MLLT3: variants seen among roughly 807,000 people sequenced by gnomAD.
The protein encoded by MLLT3 is protein AF-9.
In MLLT3, 4 loss-of-function variants were observed where a neutral mutation model predicts 53.2. The observed-to-expected ratio is 0.08, with a 90% CI of 0.04 to 0.17. The LOEUF (loss-of-function observed/expected upper bound fraction) is 0.17. Among genes scored for constraint, MLLT3 ranks in the 10% least tolerant of loss-of-function variants. The pLI is 1.00. For synonymous variants in MLLT3, 283 were observed against 230.6 expected, an observed-to-expected ratio of 1.23 and a Z score of -2.06; for missense variants, 569 against 684.0, an observed-to-expected ratio of 0.83 and a Z score of 1.87.
chr9:20,357,138 T>C (rs945320264), intron 8 of MLLT3, among the ~76,000 whole-genome samples: 1 of 152,242 alleles, frequency 6.6e-6, no homozygotes, highest in Non-Finnish European at 1.5e-5. Flanking sequence ...TTTAACTGGA[T>C]AGACTCTTTT....
At position 20,448,390 on chromosome 9, in the gene MLLT3, A is replaced by AAG. The variant is rs1288157432; in HGVS notation, c.277-126_277-125dup. The AAG allele has an allele frequency of 1.8e-5, 14 of 787,170 alleles. No homozygotes were observed. The highest frequency in any genetic ancestry group is 2.9e-5 in the Admixed American group (1 of 34,160). The allele number at this position is 787,170 out of a possible 1,614,324, so 48.8% of individuals were successfully genotyped here. On this transcript the variant is annotated intron_variant, in intron 3 of 10. Transcript: ENST00000380338. This position sits in a 1 kb window ranked among gnomAD's most constrained non-coding sequence, Gnocchi z 4.0. ...AAGACATCTAACAGCTAAACTGTCA[A>AAG]AGTAGTACTGGGAAAAAAAAAAGTA... is the stretch of plus-strand genomic sequence containing the variant.
chr9:20,416,382 A>T (rs1241840724), intron 4 of MLLT3, among the ~76,000 whole-genome samples: 1 of 152,018 alleles, frequency 6.6e-6, no homozygotes, highest in East Asian at 1.9e-4. Flanking sequence ...TAACCTACCA[A>T]CATATTTCTA....
chr9:20,473,587 G>A (rs56244397), intron 2 of MLLT3, among the ~76,000 whole-genome samples: 8,441 of 152,058 alleles, frequency 0.056, 336 homozygotes, highest in African/African-American at 0.11. Flanking sequence ...AACAACAGTT[G>A]CTTTTCATTG....
At chr9:20,474,636 G>C (rs903052223) in intron 2 of MLLT3, among the ~76,000 whole-genome samples, 1 of 151,794 alleles carries the variant, frequency 6.6e-6, no homozygotes, top group Non-Finnish European at 1.5e-5. Flanking sequence ...CTCTGATCTA[G>C]CTATTTGCTT....
chr9:20,492,757 TTAAA>T (rs946087307), intron 2 of MLLT3, among the ~76,000 whole-genome samples: 1 of 151,992 alleles, frequency 6.6e-6, no homozygotes, highest in Non-Finnish European at 1.5e-5. Context: ...AATCTCTAAC[TTAAA>T]TATCCATTAA....
At chr9:20,440,960 G>A (rs1823533238) in intron 4 of MLLT3, among the ~76,000 whole-genome samples, 2 of 152,130 alleles carry the variant, frequency 1.3e-5, no homozygotes, top group African/African-American at 4.8e-5. Context: ...CATACAGTCA[G>A]CTAAACTGCT....
chr9:20,575,776 T>C (rs1819637809), intron 2 of MLLT3, among the ~76,000 whole-genome samples: 1 of 152,226 alleles, frequency 6.6e-6, no homozygotes, highest in South Asian at 2.1e-4. Flanking sequence ...TTGTTCCATT[T>C]ATAGAGCACA....
At chr9:20,571,442 A>G (rs1051429161) in intron 2 of MLLT3, among the ~76,000 whole-genome samples, 5 of 152,240 alleles carry the variant, frequency 3.3e-5, no homozygotes, top group African/African-American at 1.2e-4. Context: ...ACCTGATTTT[A>G]TGTATTTTTT....
chr9:20,603,124 C>A (rs1272289133), intron 2 of MLLT3, among the ~76,000 whole-genome samples: 1 of 152,054 alleles, frequency 6.6e-6, no homozygotes, highest in East Asian at 1.9e-4. Context: ...AAGAATCAAG[C>A]ACTTTTGAAA....
chr9:20,453,251 T>C (rs941463220), intron 3 of MLLT3, among the ~76,000 whole-genome samples: 2 of 152,146 alleles, frequency 1.3e-5, no homozygotes, highest in South Asian at 4.1e-4. Context: ...TCCAGAGATA[T>C]GCTTTATCTT....
chr9:20,528,462 C>T (rs1488272225), intron 2 of MLLT3, among the ~76,000 whole-genome samples: 1 of 152,220 alleles, frequency 6.6e-6, no homozygotes, highest in African/African-American at 2.4e-5. Context: ...ATAACAGAAA[C>T]GTATTTCCCC....
chr9:20,376,503 T>TAA lies in MLLT3; in HGVS notation c.1126-10760_1126-10759insTT, dbSNP rs1317356935. Among the ~76,000 whole-genome samples, 7 of 152,324 alleles carry TAA rather than the reference T, an allele frequency of 4.6e-5. No homozygotes were observed. In the East Asian group the frequency reaches 1.3e-3, roughly 29 times the overall value. ...AATTGGCTTGCATTGAGGTGCCTGT[T>TAA]TTTACAATTACATTCACTTTCTTCA... On this transcript the variant is annotated intron_variant, in intron 5 of 10. Transcript: ENST00000380338.
At chr9:20,458,462 T>G (rs1162869440) in intron 2 of MLLT3, among the ~76,000 whole-genome samples, 2 of 152,194 alleles carry the variant, frequency 1.3e-5, no homozygotes, top group African/African-American at 4.8e-5. Context: ...ATCTGAAGAC[T>G]AAACAAGGTG....
chr9:20,600,273 T>C (rs1257874785), intron 2 of MLLT3, among the ~76,000 whole-genome samples: 4 of 152,222 alleles, frequency 2.6e-5, no homozygotes, highest in Non-Finnish European at 5.9e-5. Flanking sequence ...ATTGTGTTTG[T>C]GTGTATGGAA....
intron 2 of MLLT3, among the ~76,000 whole-genome samples, chr9:20,496,263 C>T (rs1211452987): frequency 1.4e-4 from 22 of 152,110 alleles, no homozygotes; most frequent in Admixed American, 1.4e-3. Flanking sequence ...TTCCTGAATG[C>T]TACAGAATGT....
intron 2 of MLLT3, among the ~76,000 whole-genome samples, chr9:20,604,834 G>A (rs750984803): frequency 1.3e-5 from 2 of 152,076 alleles, no homozygotes; most frequent in East Asian, 1.9e-4. Flanking sequence ...CAGTCAGTAC[G>A]TTTACTTGAC....
intron 5 of MLLT3, among the ~76,000 whole-genome samples, chr9:20,395,097 G>T (rs1822288346): frequency 6.6e-6 from 1 of 152,072 alleles, no homozygotes; most frequent in African/African-American, 2.4e-5. Flanking sequence ...GCAACAGATG[G>T]AGCAAATGAA....
chr9:20,422,176 T>C (rs943870388), intron 4 of MLLT3, among the ~76,000 whole-genome samples: 2 of 152,118 alleles, frequency 1.3e-5, no homozygotes, highest in Non-Finnish European at 2.9e-5. Flanking sequence ...AAACAATATA[T>C]GTGGCCAGTG....
chr9:20,436,447 G>A (rs1429378164), intron 4 of MLLT3, among the ~76,000 whole-genome samples: 4 of 152,108 alleles, frequency 2.6e-5, no homozygotes, highest in South Asian at 2.1e-4. Flanking sequence ...TATGAAGTCC[G>A]TTGCTGCCAA....
Sources: allele counts gnomAD v4.1 joint callset (sites outside exome capture counted in the v4.1 genomes callset), GRCh38; gene constraint gnomAD v4.1.1; non-coding constraint Gnocchi (gnomAD v3.1); transcripts MANE v1.5; gene names NCBI Gene and HGNC (gene_info 2026-07-23, HGNC 2026-07-21).